The following PCDHA5 variants were observed in gnomAD, a reference collection of about 807,000 sequenced individuals.
PCDHA5 encodes the protein protocadherin alpha 5.
Under a neutral mutation model 61.6 loss-of-function variants are expected in PCDHA5, and 43 were observed. That is an observed-to-expected ratio of 0.70 (90% CI 0.55 to 0.90). The LOEUF is 0.90. Ranked by LOEUF, PCDHA5 falls within the 40% of genes least tolerant of loss-of-function variation. PCDHA5 has a pLI of 0.00. For missense variants in PCDHA5, 1,298 were observed against 1,222.7 expected, an observed-to-expected ratio of 1.06 and a Z score of -0.92; for synonymous variants, 627 against 543.9, an observed-to-expected ratio of 1.15 and a Z score of -2.13.
intron 1 of PCDHA5, among the ~76,000 whole-genome samples, chr5:140,939,663 C>T (rs1282923741): frequency 6.6e-6 from 1 of 152,116 alleles, no homozygotes; most frequent in Non-Finnish European, 1.5e-5. Context: ...ACAGGAATAA[C>T]CAACTTGTAT....
chr5:140,898,881 A>G (rs1472274164), intron 1 of PCDHA5, among the ~76,000 whole-genome samples: 1 of 152,102 alleles, frequency 6.6e-6, no homozygotes, highest in Non-Finnish European at 1.5e-5. Context: ...AGTGGTTTGT[A>G]GTTCTCCTTG....
At chr5:140,834,590 A>T in intron 1 of PCDHA5, 3 of 1,614,104 alleles carry the variant, frequency 1.9e-6, no homozygotes, top group Non-Finnish European at 2.5e-6. Context: ...CGGTGTGCAA[A>T]TTCCGTGGGG....
intron 1 of PCDHA5, among the ~76,000 whole-genome samples, chr5:140,907,616 G>A (rs2073492016): frequency 6.6e-6 from 1 of 152,216 alleles, no homozygotes; most frequent in Non-Finnish European, 1.5e-5. Flanking sequence ...CATATCAAGG[G>A]CTCAGTGTTG....
rs567366418 is a variant in PCDHA5 at position 140,912,439 on chromosome 5, G to T, written c.2353-66510G>T. 2.6e-5 allele frequency among the ~76,000 whole-genome samples: 4 copies of T among 151,104 alleles called. No individual in the cohort carries two copies. The East Asian group carries it at 7.8e-4, about 29-fold the overall frequency. On this transcript the variant is annotated intron_variant, in intron 1 of 3. Transcript: ENST00000529859. ...TGGTGTATAGCAGTGTTGCTGATTT[G>T]TGTGCATTGATTTTGTATCCTGGAA...
intron 1 of PCDHA5, chr5:140,876,746 T>C (rs1411489174): frequency 3.7e-6 from 6 of 1,614,098 alleles, no homozygotes; most frequent in Admixed American, 3.3e-5. Flanking sequence ...GAGCTGGTGG[T>C]GACTGCGCGG....
chr5:140,850,833 G>A, intron 1 of PCDHA5: 1 of 1,598,078 alleles, frequency 6.3e-7, no homozygotes, highest in Non-Finnish European at 8.6e-7. Flanking sequence ...TTCTCCTTGT[G>A]CTGGATCTAC....
At chr5:140,893,083 T>C (rs2063812039) in intron 1 of PCDHA5, among the ~76,000 whole-genome samples, 1 of 152,266 alleles carries the variant, frequency 6.6e-6, no homozygotes, top group Non-Finnish European at 1.5e-5. Flanking sequence ...GATTTCATTC[T>C]TTTTTATGGC....
intron 1 of PCDHA5, chr5:140,882,232 T>C: frequency 1.9e-6 from 3 of 1,575,806 alleles, no homozygotes; most frequent in African/African-American, 1.4e-5. Context: ...AGGCGTTGTA[T>C]ATATTGCAGA....
At chr5:140,844,381 T>C (rs1554140633) in intron 1 of PCDHA5, among the ~76,000 whole-genome samples, 1 of 149,612 alleles carries the variant, frequency 6.7e-6, no homozygotes, top group African/African-American at 2.4e-5. Flanking sequence ...TTCTTTTAAT[T>C]CATTATTTAG....
intron 1 of PCDHA5, chr5:140,831,242 C>A (rs1312674321): frequency 2.0e-5 from 3 of 152,156 alleles, no homozygotes; most frequent in Non-Finnish European, 4.4e-5. Context: ...GGCATTGCGG[C>A]TCTCTTATTT....
rs138092357 is a variant in PCDHA5 at position 140,856,175 on chromosome 5, T to C, written c.2352+32048T>C. On this transcript the variant is annotated intron_variant, in intron 1 of 3. Transcript: ENST00000529859. The stretch of plus-strand genomic sequence containing the variant: ...CTACGAGGAGGCCAGACACGGCACC[T>C]TCGTGGGCCGCATCGCGCAGGACCT... The C allele has an allele frequency of 1.5e-4, 244 of 1,598,214 alleles. 13 individuals are homozygous for C. The African/African-American group carries it at 2.9e-3, about 19-fold the overall frequency.
intron 3 of PCDHA5, among the ~76,000 whole-genome samples, chr5:140,999,095 G>C (rs1554256620): frequency 6.6e-6 from 1 of 152,202 alleles, no homozygotes; most frequent in African/African-American, 2.4e-5. Flanking sequence ...GAGGGCTATG[G>C]AGAGTAACCT....
chr5:140,885,516 T>C (rs1235698672), intron 1 of PCDHA5, among the ~76,000 whole-genome samples: 1 of 152,198 alleles, frequency 6.6e-6, no homozygotes, highest in South Asian at 2.1e-4. Context: ...TGCTGTGCTA[T>C]CATTTCATAT....
intron 3 of PCDHA5, among the ~76,000 whole-genome samples, chr5:140,990,073 GA>G (rs1319076601): frequency 2.6e-5 from 4 of 152,060 alleles, no homozygotes; most frequent in Non-Finnish European, 5.9e-5. Context: ...AAATAAGGGG[GA>G]CAAAGGATGC....
At position 140,983,424 on chromosome 5, in the gene PCDHA5, A is replaced by G. The variant is rs115903969; in HGVS notation, c.2500+861A>G. On this transcript the variant is annotated intron_variant, in intron 3 of 3. Transcript: ENST00000529859. ...GGAAGATTAAGTGTTGGTAGAGACC[A>G]CAAATTGTGTCTACTCTAATCCTCT... Among the ~76,000 whole-genome samples, 1,234 of 152,366 alleles carry G rather than the reference A, an allele frequency of 8.1e-3. 22 individuals are homozygous for G. Among genetic ancestry groups the G allele is most frequent in the African/African-American group, 0.028 (1,160 of 41,578 alleles).
At chr5:140,831,756 AT>A (rs1554133366) in intron 1 of PCDHA5, among the ~76,000 whole-genome samples, 1 of 152,022 alleles carries the variant, frequency 6.6e-6, no homozygotes, top group Non-Finnish European at 1.5e-5. Context: ...ATCGCTACCA[AT>A]TTTGTTTTGT....
intron 1 of PCDHA5, among the ~76,000 whole-genome samples, chr5:140,943,863 G>T (rs2093580168): frequency 1.3e-5 from 2 of 152,186 alleles, no homozygotes; most frequent in Admixed American, 1.3e-4. Context: ...TCAAGAAGAG[G>T]TCTCTGAAGT....
intron 1 of PCDHA5, chr5:140,862,613 A>G (rs1247840424): frequency 7.6e-6 from 4 of 522,928 alleles, no homozygotes; most frequent in Non-Finnish European, 1.6e-5. Flanking sequence ...GTGAAAGGTA[A>G]CAACCCGCGG....
Position 140,927,154 on chromosome 5 carries a change from A to C in PCDHA5, c.2353-51795A>C, listed in dbSNP as rs141284501. 8 of 1,614,050 alleles carry C rather than the reference A, an allele frequency of 5.0e-6. No individual in the cohort carries two copies. The African/African-American group carries it at 8.0e-5, about 16-fold the overall frequency. On this transcript the variant is annotated intron_variant, in intron 1 of 3. Transcript: ENST00000529859. ...GCCGGCGGACCGCGAACAGCTGTGC[A>C]GGGCCAAAGCTGCCTGCGTCTTGAC...
Sources: gnomAD v4.1 joint callset for allele counts (sites outside exome capture counted in the v4.1 genomes callset) on GRCh38, gnomAD v4.1.1 for gene constraint, MANE v1.5 for transcripts, NCBI Gene and HGNC (gene_info 2026-07-23, HGNC 2026-07-21) for gene names.